The following TMEM171 variants were observed in gnomAD, a reference collection of about 807,000 sequenced individuals.
TMEM171 encodes the protein proline-rich protein PRP2.
Under a neutral mutation model 19.1 loss-of-function variants are expected in TMEM171, and 16 were observed. That is an observed-to-expected ratio of 0.84 (90% confidence interval 0.57 to 1.27). The LOEUF (loss-of-function observed/expected upper bound fraction) is 1.27. Ranked by LOEUF, TMEM171 falls within the 50% of genes most tolerant of loss-of-function variation. The pLI, the probability that TMEM171 is intolerant of heterozygous loss-of-function variation, is 0.00. For missense variants in TMEM171, 429 were observed against 412.7 expected, an observed-to-expected ratio of 1.04 and a Z score of -0.34; for synonymous variants, 153 against 163.4, an observed-to-expected ratio of 0.94 and a Z score of 0.48.
chr5:73,125,033 G>T (rs2112921659), intron 2 of TMEM171, among the ~76,000 whole-genome samples: 1 of 152,292 alleles, frequency 6.6e-6, no homozygotes, highest in African/African-American at 2.4e-5. Flanking sequence ...CTGTCTACTG[G>T]AAGCAGTGGA....
At position 73,128,465 on chromosome 5, in the gene TMEM171, G is replaced by A. The variant is rs2112925453; in HGVS notation, c.716G>A (p.Ser239Asn). ...TCTTCAGCTTCTGCGGTCGCTGAGA[G>A]TCCTGGAACTAACAGTCTGCTTCCG... is the stretch of plus-strand genomic sequence containing the variant. The part of the protein sequence containing the change: ...PESSASAVAE[S>N]PGTNSLLPNE... Residue 239 changes from serine (S) to asparagine (N), a missense_variant, in exon 3 of 4, where the codon AGT becomes AAT. Coordinates refer to ENST00000454765, the MANE Select transcript of TMEM171 (RefSeq NM_173490.8). 1 of 1,614,052 alleles carries A rather than the reference G, an allele frequency of 6.2e-7. No individual in the cohort carries two copies. Among genetic ancestry groups the A allele is most frequent in the East Asian group, 2.2e-5 (1 of 44,868 alleles).
chr5:73,127,384 A>AAATATATATATATATAT, intron 2 of TMEM171, among the ~76,000 whole-genome samples: 3 of 81,696 alleles, frequency 3.7e-5, no homozygotes, highest in Non-Finnish European at 6.6e-5. Flanking sequence ...AAAAAAAAAA[A>AAATATATATATATATAT]ATATATATAT....
intron 3 of TMEM171, 96 bp downstream of exon 3, chr5:73,128,627 A>T: frequency 6.8e-7 from 1 of 1,477,674 alleles, no homozygotes; most frequent in African/African-American, 1.4e-5. Context: ...AAGTGTGAGT[A>T]TCTTTTTTGC....
At chr5:73,126,846 AG>A (rs910951281) in intron 2 of TMEM171, among the ~76,000 whole-genome samples, 2 of 152,192 alleles carry the variant, frequency 1.3e-5, no homozygotes, top group Non-Finnish European at 2.9e-5. Flanking sequence ...AGCTTCTCAG[AG>A]GCTTTCACCA....
intron 2 of TMEM171, among the ~76,000 whole-genome samples, chr5:73,124,308 AG>A (rs887177651): frequency 6.6e-6 from 1 of 152,250 alleles, no homozygotes; most frequent in Non-Finnish European, 1.5e-5. Flanking sequence ...TTAAGAGGAA[AG>A]TGAGAAGAAC....
chr5:73,131,399 G>C (rs932063890), intron 3 of TMEM171, 139 bp from the exon 4 acceptor site: 6 of 562,878 alleles, frequency 1.1e-5, no homozygotes, highest in Non-Finnish European at 1.7e-5. Context: ...ATGAAAAGTA[G>C]AGTGAGGGAG....
chr5:73,123,503 T>C lies in TMEM171; in HGVS notation c.130T>C (p.Phe44Leu), dbSNP rs139518432. The C allele has an allele frequency of 8.5e-5, 137 of 1,614,208 alleles. 2 individuals carry two copies. The African/African-American group carries it at 1.6e-3, about 19-fold the overall frequency. ...CVGVLLSIFG[F>L]QACQYKPLPD... ...GGGAGTCCTGCTCTCCATCTTTGGG[T>C]TCCAGGCATGCCAATATAAGCCCCT... Residue 44 changes from phenylalanine to leucine, a missense_variant, in exon 2 of 4, where the codon TTC (phenylalanine) becomes CTC (leucine). Physicochemically the swap from Phe to Leu is conservative, Grantham distance 22 (BLOSUM62 0). Coordinates refer to ENST00000454765, the MANE Select transcript of TMEM171 (RefSeq NM_173490.8).
intron 3 of TMEM171, among the ~76,000 whole-genome samples, chr5:73,130,167 G>T (rs1324384616): frequency 6.6e-6 from 1 of 152,080 alleles, no homozygotes; most frequent in African/African-American, 2.4e-5. Context: ...ACTGGGAAGG[G>T]CTGGGTTTTG....
At chr5:73,125,183 T>G (rs1312664927) in intron 2 of TMEM171, among the ~76,000 whole-genome samples, 3 of 152,228 alleles carry the variant, frequency 2.0e-5, no homozygotes, top group African/African-American at 7.2e-5. Flanking sequence ...TTTATTAATA[T>G]ATTTATGCAT....
At chr5:73,125,993 G>C (rs1744152630) in intron 2 of TMEM171, among the ~76,000 whole-genome samples, 1 of 152,154 alleles carries the variant, frequency 6.6e-6, no homozygotes, top group African/African-American at 2.4e-5. Context: ...TCCTTGGAGG[G>C]GTGTATATGT....
At chr5:73,128,615 T>G in intron 3 of TMEM171, 84 bp downstream of exon 3, 1 of 1,518,782 alleles carries the variant, frequency 6.6e-7, no homozygotes. Context: ...CAGGAGGCAT[T>G]CAAGTGTGAG....
In TMEM171 at chr5:73,123,494, A is replaced by T. The variant is rs200749298; in HGVS notation, c.121A>T (p.Ile41Phe). ...VLLCVGVLLS[I>F]FGFQACQYKP... Reference sequence around the variant, plus strand: ...GTTGTGTGTGGGAGTCCTGCTCTCCATCTTTGGGTTCCAGGCATGCCAATA... The same window carrying T: ...GTTGTGTGTGGGAGTCCTGCTCTCCTTCTTTGGGTTCCAGGCATGCCAATA... Residue 41 changes from isoleucine to phenylalanine, a missense_variant, in exon 2 of 4, where the codon ATC becomes TTC. By Grantham distance (21) the Ile-to-Phe change is conservative. Transcript: ENST00000454765. The T allele has an allele frequency of 4.2e-5, 68 of 1,614,100 alleles. No homozygotes were observed. The African/African-American group carries it at 7.5e-4, about 18-fold the overall frequency.
intron 2 of TMEM171, 111 bp from the exon 3 acceptor site, chr5:73,128,279 G>T (rs1034548175): frequency 2.4e-6 from 3 of 1,267,284 alleles, no homozygotes; most frequent in Non-Finnish European, 3.3e-6. Context: ...GTTAGCAGCA[G>T]GTGTGTTGAC....
rs548213579 is a variant in TMEM171, at chr5:73,128,909, G to A, written c.782+378G>A. On this transcript the variant is annotated intron_variant, in intron 3 of 3. Transcript: ENST00000454765. ...GGAGTTTGAGACCAGCCTGGCCAAC[G>A]TGGCAAAACCCTGTCTCTACGAAAA... is the stretch of plus-strand genomic sequence containing the variant. 1.5e-4 allele frequency among the ~76,000 whole-genome samples: 23 copies of A among 152,184 alleles called. No homozygotes were observed. In the South Asian group the frequency reaches 1.7e-3, roughly 11 times the overall value.
Position 73,127,380 on chromosome 5 carries a change from AAAAAATATATATAT to A in TMEM171, c.641-1008_641-995del, listed in dbSNP as rs1368163738. Reference sequence around the variant, plus strand: ...TAAAAAATTTGTGGTAAAAAAAAAAAAAAAATATATATATATATATATATATAAAGCATAAACAA... The same window carrying A: ...TAAAAAATTTGTGGTAAAAAAAAAAAATATATATATATAAAGCATAAACAA... On this transcript the variant is annotated intron_variant, in intron 2 of 3. Transcript: ENST00000454765. Among the ~76,000 whole-genome samples, 16 of 61,472 alleles carry A rather than the reference AAAAAATATATATAT, an allele frequency of 2.6e-4. 1 individual carries two copies. The highest frequency in any genetic ancestry group is 1.4e-3 in the African/African-American group (16 of 11,448). The allele number at this position is 61,472 out of a possible 152,430, so 40.3% of individuals were successfully genotyped here. A position where few individuals can be genotyped will look rare whatever the true frequency, so the allele number is the denominator to read the frequency against.
intron 2 of TMEM171, among the ~76,000 whole-genome samples, chr5:73,127,408 A>ATATATATATATATGT (rs1561513446): frequency 1.9e-5 from 2 of 105,982 alleles, no homozygotes; most frequent in African/African-American, 1.0e-4. Flanking sequence ...TATATATATA[A>ATATATATATATATGT]AGCATAAACA....
intron 1 of TMEM171, among the ~76,000 whole-genome samples, chr5:73,121,827 C>T (rs1485495379): frequency 1.3e-5 from 2 of 152,158 alleles, no homozygotes; most frequent in African/African-American, 4.8e-5. Flanking sequence ...GTCTTGAGTT[C>T]CTTCATGGGA....
rs1744090428 is a variant in TMEM171, at chr5:73,123,875, C to T, written c.502C>T (p.Pro168Ser). The T allele has an allele frequency of 6.2e-7, 1 of 1,613,994 alleles. No individual in the cohort carries two copies. Among genetic ancestry groups the T allele is most frequent in the Non-Finnish European group, 8.5e-7 (1 of 1,179,978 alleles). ...CGFLSLQIMG[P>S]LIVLVGLCFF... ...GTTCCTTTCTCTGCAGATCATGGGGCCCTTGATTGTGCTTGTGGGATTGTG... is the reference window on the plus strand; with the variant it reads ...GTTCCTTTCTCTGCAGATCATGGGGTCCTTGATTGTGCTTGTGGGATTGTG... The change falls in exon 2 of 4, where the codon CCC (proline) becomes TCC (serine). Residue 168 changes from proline (P) to serine (S), a missense_variant. By Grantham distance (74) the Pro-to-Ser change is moderately conservative. Coordinates refer to ENST00000454765, the MANE Select transcript of TMEM171 (RefSeq NM_173490.8).
At chr5:73,126,738 C>A (rs905382579) in intron 2 of TMEM171, among the ~76,000 whole-genome samples, 1 of 152,190 alleles carries the variant, frequency 6.6e-6, no homozygotes, top group Non-Finnish European at 1.5e-5. Flanking sequence ...AATCCTATGC[C>A]ACCCTAAGCA....
Sources: allele counts gnomAD v4.1 joint callset (sites outside exome capture counted in the v4.1 genomes callset), GRCh38; gene constraint gnomAD v4.1.1; transcripts MANE v1.5; gene names NCBI Gene and HGNC (gene_info 2026-07-23, HGNC 2026-07-21).